KIF2B: variants seen among roughly 807,000 people sequenced by gnomAD.
The protein encoded by KIF2B is kinesin family member 2B, also known as kinesin-like protein KIF2B.
A neutral mutation model predicts 6.8 loss-of-function variants in KIF2B; 5 were observed. The observed-to-expected ratio is 0.74, with a 90% CI of 0.39 to 1.55. The LOEUF is 1.55. KIF2B is among the 40% of genes most tolerant of loss of function. The pLI is 0.03. For synonymous variants in KIF2B, 370 were observed against 330.7 expected (o/e 1.12, Z -1.29); for missense variants, 908 against 831.3 (o/e 1.09, Z -1.13).
rs1906495256 is a variant in KIF2B, at chr17:53,824,142, GGAA to G, written c.1117_1119del (p.Lys373del). ...GGCAAGGTGTATGATTTGTTGAACT[GGAA>G]GAAGAAGCTGCAAGTCCTTGAGGAT... On this transcript the variant is annotated inframe_deletion, in exon 1 of 1. Transcript: ENST00000268919. 1.2e-6 allele frequency: 2 copies of G among 1,614,068 alleles called. No homozygotes were observed. Among genetic ancestry groups the G allele is most frequent in the Non-Finnish European group, 1.7e-6 (2 of 1,180,042 alleles).
rs2143777513 is a variant in KIF2B, at chr17:53,823,076, C to T, written c.43C>T (p.Pro15Ser). The change falls in exon 1 of 1, where the codon CCC becomes TCC. Residue 15 changes from proline (P) to serine (S), a missense_variant. Pro to Ser is a moderately conservative substitution (Grantham distance 74). Coordinates refer to ENST00000268919, the MANE Select transcript of KIF2B (RefSeq NM_032559.5). ...CCTCCCTGAATCCCCATGTCTCTCG[C>T]CCCTGAAACCCTTGAAGCCACATTT... ...FCLPESPCLS[P>S]LKPLKPHFGD... 2 of 1,614,148 alleles carry T rather than the reference C, an allele frequency of 1.2e-6. No homozygotes were observed. Among genetic ancestry groups the T allele is most frequent in the Non-Finnish European group, 8.5e-7 (1 of 1,180,020 alleles).
At position 53,823,607 on chromosome 17, in the gene KIF2B, G is replaced by T. The variant is rs1424466838; in HGVS notation, c.574G>T (p.Glu192Ter). 1 of 1,613,106 alleles carries T rather than the reference G, an allele frequency of 6.2e-7. No individual in the cohort carries two copies. The highest frequency in any genetic ancestry group is 1.3e-5 in the African/African-American group (1 of 74,938). Residue 192 changes from glutamate (E) to a stop codon, truncating the protein, a stop_gained, in exon 1 of 1, where the codon GAA becomes TAA. Coordinates refer to ENST00000268919, the MANE Select transcript of KIF2B (RefSeq NM_032559.5). LOFTEE classifies it high-confidence loss of function. ...CAACTACGAAATCATGCACATGATC[G>T]AAGAGTATCGCAGGCACCTGGACAG... is the stretch of plus-strand genomic sequence containing the variant. ...NPNYEIMHMI[E>*]EYRRHLDSSK...
chr17:53,823,630 C>G lies in KIF2B; in HGVS notation c.597C>G (p.Asp199Glu), dbSNP rs777158614. ...TCGAAGAGTATCGCAGGCACCTGGA[C>G]AGCAGCAAGATCTCAGTCCTGGAGC... is the stretch of plus-strand genomic sequence containing the variant. ...HMIEEYRRHL[D>E]SSKISVLEPP... is the part of the protein sequence containing the mutation. Residue 199 changes from aspartate (D) to glutamate (E), a missense_variant, in exon 1 of 1, where the codon GAC becomes GAG. Asp to Glu is a conservative substitution (Grantham distance 45). Transcript: ENST00000268919. 3 of 1,613,652 alleles carry G rather than the reference C, an allele frequency of 1.9e-6. No individual in the cohort carries two copies. Among genetic ancestry groups the G allele is most frequent in the Non-Finnish European group, 2.5e-6 (3 of 1,180,040 alleles).
rs1398318417 is a variant in KIF2B at position 53,824,531 on chromosome 17, A to C, written c.1498A>C (p.Thr500Pro). Reference protein sequence around the residue: ...PHTPFRASKLTLVLRDSFIGQ... With the variant: ...PHTPFRASKLPLVLRDSFIGQ... Reference sequence around the variant, plus strand: ...CACCCCATTCAGAGCCAGCAAACTCACACTGGTGCTCCGGGACTCCTTTAT... The same window carrying C: ...CACCCCATTCAGAGCCAGCAAACTCCCACTGGTGCTCCGGGACTCCTTTAT... Residue 500 changes from threonine (T) to proline (P), a missense_variant, in exon 1 of 1, where the codon ACA becomes CCA. By Grantham distance (38) the Thr-to-Pro change is conservative. Transcript: ENST00000268919. The C allele has an allele frequency of 6.2e-7, 1 of 1,614,132 alleles. No homozygotes were observed. Among genetic ancestry groups the C allele is most frequent in the Non-Finnish European group, 8.5e-7 (1 of 1,180,032 alleles).
In KIF2B at chr17:53,824,415, G is replaced by C. The variant is rs1906506929; in HGVS notation, c.1382G>C (p.Ser461Thr). ...NERGADTTKA[S>T]RKRQLEGAEI... ...AGAGGAGCAGATACAACCAAGGCCA[G>C]CCGGAAAAGGCAGCTGGAAGGGGCA... Residue 461 changes from serine to threonine, a missense_variant, in exon 1 of 1, where the codon AGC becomes ACC. By Grantham distance (58) the Ser-to-Thr change is moderately conservative. Coordinates refer to ENST00000268919, the MANE Select transcript of KIF2B (RefSeq NM_032559.5). 1.2e-6 allele frequency: 2 copies of C among 1,614,140 alleles called. No individual in the cohort carries two copies. Among genetic ancestry groups the C allele is most frequent in the Non-Finnish European group, 1.7e-6 (2 of 1,180,036 alleles).
Position 53,823,585 on chromosome 17 carries a change from C to A in KIF2B, c.552C>A (p.Asn184Lys), listed in dbSNP as rs1422809250. 6.2e-7 allele frequency: 1 copy of A among 1,613,144 alleles called. No homozygotes were observed. Among genetic ancestry groups the A allele is most frequent in the Non-Finnish European group, 8.5e-7 (1 of 1,180,046 alleles). ...RALDVNTRNP[N>K]YEIMHMIEEY... Reference sequence around the variant, plus strand: ...TCGATGTCAATACCAGAAACCCCAACTACGAAATCATGCACATGATCGAAG... The same window carrying A: ...TCGATGTCAATACCAGAAACCCCAAATACGAAATCATGCACATGATCGAAG... Residue 184 changes from asparagine to lysine, a missense_variant, in exon 1 of 1, where the codon AAC (asparagine) becomes AAA (lysine). By Grantham distance (94) the Asn-to-Lys change is moderately conservative (BLOSUM62 0). Coordinates refer to ENST00000268919, the MANE Select transcript of KIF2B (RefSeq NM_032559.5).
In KIF2B at chr17:53,824,050, G is replaced by T. The variant is rs981022068; in HGVS notation, c.1017G>T (p.Leu339=). Residue 339 remains leucine, a synonymous_variant, in exon 1 of 1, where the codon CTG becomes CTT. Transcript: ENST00000268919. ...YALVAQDVFL[L]LRNSTYEKLD... is the part of the protein sequence containing the mutation. ...TGGTGGCACAGGATGTCTTTCTCCT[G>T]CTCAGAAACTCCACATATGAGAAGC... is the stretch of plus-strand genomic sequence containing the variant. The T allele has an allele frequency of 6.8e-6, 11 of 1,614,094 alleles. No individual in the cohort carries two copies. In the Admixed American group the frequency reaches 1.5e-4, roughly 22 times the overall value.
At position 53,824,197 on chromosome 17, in the gene KIF2B, G is replaced by C. The variant is rs1162136829; in HGVS notation, c.1164G>C (p.Gly388=). The C allele has an allele frequency of 6.2e-7, 1 of 1,614,186 alleles. No homozygotes were observed. The highest frequency in any genetic ancestry group is 8.5e-7 in the Non-Finnish European group (1 of 1,180,026). ...EDGNQQIQVV[G]LQEKEVCCVE... ...GCAATCAGCAAATCCAAGTGGTCGG[G>C]CTGCAGGAGAAAGAGGTGTGTTGTG... Residue 388 remains glycine, a synonymous_variant, in exon 1 of 1, where the codon GGG becomes GGC. Transcript: ENST00000268919.
At position 53,824,986 on chromosome 17, in the gene KIF2B, T is replaced by C. The variant is rs369968440; in HGVS notation, c.1953T>C (p.Ala651=). Reference sequence around the variant, plus strand: ...CCATTTTGGAGCAGAAAATTGATGCTCTGACCGAGATCCAAAAGAAACTGA... The same window carrying C: ...CCATTTTGGAGCAGAAAATTGATGCCCTGACCGAGATCCAAAAGAAACTGA... ...SLSILEQKID[A]LTEIQKKLKL... Residue 651 remains alanine, a synonymous_variant, in exon 1 of 1, where the codon GCT becomes GCC. Coordinates refer to ENST00000268919, the MANE Select transcript of KIF2B (RefSeq NM_032559.5). 1.2e-6 allele frequency: 2 copies of C among 1,613,992 alleles called. No homozygotes were observed. Among genetic ancestry groups the C allele is most frequent in the Non-Finnish European group, 1.7e-6 (2 of 1,180,000 alleles).
In KIF2B at chr17:53,824,746, T is replaced by A. The variant is rs754756823; in HGVS notation, c.1713T>A (p.Asn571Lys). The A allele has an allele frequency of 6.2e-7, 1 of 1,614,144 alleles. No homozygotes were observed. Among genetic ancestry groups the A allele is most frequent in the Non-Finnish European group, 8.5e-7 (1 of 1,180,038 alleles). The stretch of plus-strand genomic sequence containing the variant: ...GGATGTTAAAAAGTCACATCGGAAA[T>A]TCAGAAATGTCCCTTCAGAGGGATG... ...APRMLKSHIG[N>K]SEMSLQRDEF... Residue 571 changes from asparagine (N) to lysine (K), a missense_variant, in exon 1 of 1, where the codon AAT (asparagine) becomes AAA (lysine). By Grantham distance (94) the Asn-to-Lys change is moderately conservative. Coordinates refer to ENST00000268919, the MANE Select transcript of KIF2B (RefSeq NM_032559.5).
In KIF2B at chr17:53,823,269, T is replaced by C. The variant is rs756888791; in HGVS notation, c.236T>C (p.Leu79Pro). The C allele has an allele frequency of 1.9e-6, 3 of 1,614,178 alleles. No homozygotes were observed. The highest frequency in any genetic ancestry group is 3.3e-5 in the Admixed American group (2 of 60,020). ...KKIDLETILL[L>P]NPALDSAEHP... is the part of the protein sequence containing the mutation. ...ATTGACCTGGAGACCATACTCCTGCTGAATCCAGCTCTGGACTCTGCTGAA... is the reference window on the plus strand; with the variant it reads ...ATTGACCTGGAGACCATACTCCTGCCGAATCCAGCTCTGGACTCTGCTGAA... The change falls in exon 1 of 1, where the codon CTG (leucine) becomes CCG (proline). Residue 79 changes from leucine (L) to proline (P), a missense_variant. Physicochemically the swap from Leu to Pro is moderately conservative, Grantham distance 98. Coordinates refer to ENST00000268919, the MANE Select transcript of KIF2B (RefSeq NM_032559.5).
chr17:53,823,841 T>G lies in KIF2B; in HGVS notation c.808T>G (p.Phe270Val). The G allele has an allele frequency of 6.2e-7, 1 of 1,614,206 alleles. No individual in the cohort carries two copies. The highest frequency in any genetic ancestry group is 8.5e-7 in the Non-Finnish European group (1 of 1,180,032). Residue 270 changes from phenylalanine to valine, a missense_variant, in exon 1 of 1, where the codon TTC becomes GTC. Physicochemically the swap from Phe to Val is conservative, Grantham distance 50. Transcript: ENST00000268919. The part of the protein sequence containing the change: ...QNQTFCFDHA[F>V]DDKASNELVY... The stretch of plus-strand genomic sequence containing the variant: ...CCAGACCTTCTGCTTCGACCATGCC[T>G]TCGATGACAAAGCCTCCAACGAGTT...
rs777548098 is a variant in KIF2B at position 53,823,165 on chromosome 17, T to A, written c.132T>A (p.Ala44=). 1.2e-6 allele frequency: 2 copies of A among 1,614,210 alleles called. No individual in the cohort carries two copies. The highest frequency in any genetic ancestry group is 1.7e-6 in the Non-Finnish European group (2 of 1,180,052). Residue 44 remains alanine, a synonymous_variant, in exon 1 of 1, where the codon GCT becomes GCA. Coordinates refer to ENST00000268919, the MANE Select transcript of KIF2B (RefSeq NM_032559.5). ...GCAGTGACAAGCGGATCCACCTCGC[T>A]GTGGTCACGGAGATCAACAGAGAAA... The part of the protein sequence containing the change: ...IQRSDKRIHL[A]VVTEINRENY...
chr17:53,822,987 C>T lies in KIF2B; in HGVS notation c.-47C>T, dbSNP rs375542221. The T allele has an allele frequency of 5.8e-6, 9 of 1,549,320 alleles. No homozygotes were observed. Among genetic ancestry groups the T allele is most frequent in the African/African-American group, 4.1e-5 (3 of 73,358 alleles). On this transcript the variant is annotated 5_prime_UTR_variant, in exon 1 of 1. Coordinates refer to ENST00000268919, the MANE Select transcript of KIF2B (RefSeq NM_032559.5). Reference sequence around the variant, plus strand: ...CAGGCTGGCTTGGGTCCTGCTGCTCCAACCCCAAGGGCCCTGGAGCGCTCC... The same window carrying T: ...CAGGCTGGCTTGGGTCCTGCTGCTCTAACCCCAAGGGCCCTGGAGCGCTCC...
rs777626060 is a variant in KIF2B, at chr17:53,823,923, C to T, written c.890C>T (p.Ala297Val). 4 of 1,614,098 alleles carry T rather than the reference C, an allele frequency of 2.5e-6. No homozygotes were observed. The African/African-American group carries it at 4.0e-5, about 16-fold the overall frequency. Reference sequence around the variant, plus strand: ...GAGTCCATCTTCCGCAAGGGCATGGCCACCTGCTTTGCCTATGGGCAGACG... The same window carrying T: ...GAGTCCATCTTCCGCAAGGGCATGGTCACCTGCTTTGCCTATGGGCAGACG... Reference protein sequence around the residue: ...LVESIFRKGMATCFAYGQTGS... With the variant: ...LVESIFRKGMVTCFAYGQTGS... Residue 297 changes from alanine to valine, a missense_variant, in exon 1 of 1, where the codon GCC becomes GTC. By Grantham distance (64) the Ala-to-Val change is moderately conservative. Transcript: ENST00000268919.
rs527417913 is a variant in KIF2B, at chr17:53,823,075, G to A, written c.42G>A (p.Ser14=). 1.8e-5 allele frequency: 29 copies of A among 1,614,028 alleles called. 1 individual carries two copies. The highest frequency in any genetic ancestry group is 9.3e-5 in the African/African-American group (7 of 74,972). ...QFCLPESPCL[S]PLKPLKPHFG... is the part of the protein sequence containing the mutation. ...GCCTCCCTGAATCCCCATGTCTCTC[G>A]CCCCTGAAACCCTTGAAGCCACATT... Residue 14 remains serine (S), a synonymous_variant, in exon 1 of 1, where the codon TCG becomes TCA. Coordinates refer to ENST00000268919, the MANE Select transcript of KIF2B (RefSeq NM_032559.5).
In KIF2B at chr17:53,824,502, C is replaced by T. The variant is rs765461122; in HGVS notation, c.1469C>T (p.Pro490Leu). Residue 490 changes from proline (P) to leucine (L), a missense_variant, in exon 1 of 1, where the codon CCT (proline) becomes CTT (leucine). Transcript: ENST00000268919. The part of the protein sequence containing the change: ...ECILALGQNK[P>L]HTPFRASKLT... ...ATTCTGGCTTTGGGTCAGAACAAGC[C>T]TCACACCCCATTCAGAGCCAGCAAA... 1 of 1,614,102 alleles carries T rather than the reference C, an allele frequency of 6.2e-7. No homozygotes were observed. The highest frequency in any genetic ancestry group is 8.5e-7 in the Non-Finnish European group (1 of 1,180,030).
In KIF2B at chr17:53,823,584, A is replaced by G. The variant is rs2143780525; in HGVS notation, c.551A>G (p.Asn184Ser). The change falls in exon 1 of 1, where the codon AAC becomes AGC. Residue 184 changes from asparagine to serine, a missense_variant. Transcript: ENST00000268919. ...RALDVNTRNP[N>S]YEIMHMIEEY... Reference sequence around the variant, plus strand: ...CTCGATGTCAATACCAGAAACCCCAACTACGAAATCATGCACATGATCGAA... The same window carrying G: ...CTCGATGTCAATACCAGAAACCCCAGCTACGAAATCATGCACATGATCGAA... The G allele has an allele frequency of 1.2e-6, 2 of 1,613,164 alleles. No individual in the cohort carries two copies. Among genetic ancestry groups the G allele is most frequent in the African/African-American group, 1.3e-5 (1 of 75,036 alleles).
rs769983798 is a variant in KIF2B at position 53,825,171 on chromosome 17, A to G, written c.*116A>G. On this transcript the variant is annotated 3_prime_UTR_variant, in exon 1 of 1. Coordinates refer to ENST00000268919, the MANE Select transcript of KIF2B (RefSeq NM_032559.5). ...CCTCCTGAGAAGCTTAAAACATCTT[A>G]AAATACACTGATGGGAAACATGCTC... is the stretch of plus-strand genomic sequence containing the variant. 21 of 683,486 alleles carry G rather than the reference A, an allele frequency of 3.1e-5. No individual in the cohort carries two copies. Among genetic ancestry groups the G allele is most frequent in the Non-Finnish European group, 4.7e-5 (19 of 401,882 alleles). The allele number at this position is 683,486 out of a possible 1,614,324, so 42.3% of individuals were successfully genotyped here. A position where few individuals can be genotyped will look rare whatever the true frequency, so the allele number is the denominator to read the frequency against.
Sources: gnomAD v4.1 joint callset for allele counts on GRCh38, gnomAD v4.1.1 for gene constraint, MANE v1.5 for transcripts, NCBI Gene and HGNC (gene_info 2026-07-23, HGNC 2026-07-21) for gene names.